ESCO2: variants seen among roughly 807,000 people sequenced by gnomAD.
ESCO2 encodes N-acetyltransferase ESCO2.
A neutral mutation model predicts 61.7 loss-of-function variants in ESCO2; 51 were observed. That is an observed-to-expected ratio of 0.83 (90% CI 0.66 to 1.04). The LOEUF is 1.04. Among genes scored for constraint, ESCO2 ranks in the 50% least tolerant of loss-of-function variants. The pLI is 0.00. For missense variants in ESCO2, 692 were observed against 686.2 expected (o/e 1.01, Z -0.09); for synonymous variants, 230 against 238.2 (o/e 0.97, Z 0.32).
chr8:27,808,167 C>T, downstream of ESCO2: 3 of 1,067,930 alleles, frequency 2.8e-6, no homozygotes, highest in South Asian at 1.7e-5. Flanking sequence ...GTTTAAAATC[C>T]TTTCTAATTT....
chr8:27,791,931 T>C (rs751775194), intron 7 of ESCO2, 32 bp from the exon 8 acceptor site: 3 of 1,601,320 alleles, frequency 1.9e-6, no homozygotes, highest in East Asian at 4.5e-5. Context: ...CTTCACAAAT[T>C]AAACTGTGAC....
At chr8:27,772,186 G>A (rs1804646089), upstream of ESCO2, 4 of 456,660 alleles carry the variant, frequency 8.8e-6, no homozygotes, top group East Asian at 1.5e-4. Context: ...AGAAGACTTG[G>A]GATAAGGTGT....
downstream of ESCO2, among the ~76,000 whole-genome samples, chr8:27,808,032 C>G (rs542002315): frequency 7.9e-5 from 12 of 152,298 alleles, no homozygotes; most frequent in South Asian, 2.5e-3. Context: ...TGGTTTGAGG[C>G]ACCTCGTTTA....
chr8:27,806,641 C>T (rs1468601538), downstream of ESCO2, among the ~76,000 whole-genome samples: 24 of 144,088 alleles, frequency 1.7e-4, no homozygotes, highest in African/African-American at 6.0e-4. Context: ...TTTTTTTAGA[C>T]GGAGTTTTGC....
intron 1 of ESCO2, among the ~76,000 whole-genome samples, chr8:27,775,295 G>T (rs1804763734): frequency 6.6e-6 from 1 of 152,100 alleles, no homozygotes; most frequent in East Asian, 1.9e-4. Context: ...TGTCTTAAAT[G>T]GACTATTAGG....
chr8:27,786,696 TTTGTC>T (rs1171981510), intron 5 of ESCO2, among the ~76,000 whole-genome samples: 3 of 152,146 alleles, frequency 2.0e-5, no homozygotes, highest in Non-Finnish European at 4.4e-5. Flanking sequence ...TTAGCATAGA[TTTGTC>T]AAGTCAGTTT....
At chr8:27,797,634 CCT>C (rs1805330366) in intron 9 of ESCO2, among the ~76,000 whole-genome samples, 1 of 152,082 alleles carries the variant, frequency 6.6e-6, no homozygotes, top group Non-Finnish European at 1.5e-5. Context: ...TTCCCTTCTT[CCT>C]CTCTTGCTGT....
downstream of ESCO2, among the ~76,000 whole-genome samples, chr8:27,805,521 GTTTTGT>G (rs1349728184): frequency 6.6e-6 from 1 of 151,786 alleles, no homozygotes; most frequent in Non-Finnish European, 1.5e-5. Context: ...TTGTTTGTTT[GTTTTGT>G]TTTTAAGTAT....
rs753906544 is a variant in ESCO2 at position 27,784,023 on chromosome 8, C to T, written c.979C>T (p.Pro327Ser). Reference sequence around the variant, plus strand: ...AGTTTCTCCTAAGTCCACTGTCTATCCAATCTTCAGTGCATCTTCAGTCAA... The same window carrying T: ...AGTTTCTCCTAAGTCCACTGTCTATTCAATCTTCAGTGCATCTTCAGTCAA... ...KTISPKSTVYPIFSASSVNSK... is the reference protein window; with the variant it reads ...KTISPKSTVYSIFSASSVNSK... Residue 327 changes from proline to serine, a missense_variant, in exon 5 of 11, where the codon CCA (proline) becomes TCA (serine). By Grantham distance (74) the Pro-to-Ser change is moderately conservative. Coordinates refer to ENST00000305188, the MANE Select transcript of ESCO2 (RefSeq NM_001017420.3). 11 of 1,613,454 alleles carry T rather than the reference C, an allele frequency of 6.8e-6. No homozygotes were observed. Among genetic ancestry groups the T allele is most frequent in the Non-Finnish European group, 8.5e-6 (10 of 1,179,632 alleles).
downstream of ESCO2, among the ~76,000 whole-genome samples, chr8:27,814,448 T>C (rs28538877): frequency 0.16 from 23,899 of 152,044 alleles, 2,384 homozygotes; most frequent in East Asian, 0.37. Flanking sequence ...AAGCTTTATA[T>C]ATTTCATTAT....
intron 3 of ESCO2, 56 bp downstream of exon 3, chr8:27,777,225 T>C (rs1383093981): frequency 1.3e-6 from 2 of 1,484,514 alleles, no homozygotes; most frequent in East Asian, 2.4e-5. Context: ...TCAGTATAAA[T>C]GACATAGTTG....
At chr8:27,811,411 CTG>C (rs936039867), downstream of ESCO2, 88 of 535,456 alleles carry the variant, frequency 1.6e-4, no homozygotes, top group African/African-American at 1.5e-3. Context: ...ATTACAGACT[CTG>C]GAGCCAGACT....
Position 27,805,265 on chromosome 8 carries a change from G to A in ESCO2, c.*1827G>A, listed in dbSNP as rs1482979881. ...CACTGCAGTCCGCAGTCCGGCCTGG[G>A]CGACAGAGCGAGACTCCGTCTCAAA... On this transcript the variant is annotated 3_prime_UTR_variant, in exon 11 of 11. Transcript: ENST00000305188. 1.2e-5 allele frequency: 1 copy of A among 81,652 alleles called. No homozygotes were observed. The highest frequency in any genetic ancestry group is 2.1e-5 in the Non-Finnish European group (1 of 48,438). 5.1% of individuals were successfully genotyped at this position (81,652 alleles called of 1,614,324 possible).
the ESCO2 span, among the ~76,000 whole-genome samples, chr8:27,818,324 T>C: frequency 6.6e-6 from 1 of 152,248 alleles, no homozygotes; most frequent in Non-Finnish European, 1.5e-5. Context: ...AATCTTTTTA[T>C]TTACTAGCAA....
downstream of ESCO2, among the ~76,000 whole-genome samples, chr8:27,813,650 A>G (rs1373040726): frequency 6.6e-6 from 1 of 151,986 alleles, no homozygotes; most frequent in East Asian, 1.9e-4. Flanking sequence ...AGAATACTCA[A>G]GATCTACTCT....
At chr8:27,799,984 TAATAAAATAA>T (rs958270526) in intron 10 of ESCO2, among the ~76,000 whole-genome samples, 22 of 151,304 alleles carry the variant, frequency 1.5e-4, no homozygotes, top group Non-Finnish European at 2.9e-4. Flanking sequence ...AGACCAACAC[TAATAAAATAA>T]AAATGGATTG....
downstream of ESCO2, among the ~76,000 whole-genome samples, chr8:27,809,080 A>G (rs1355646831): frequency 6.6e-6 from 1 of 152,226 alleles, no homozygotes; most frequent in Non-Finnish European, 1.5e-5. Flanking sequence ...GTCTTAAAGC[A>G]GGAACTGCTA....
intron 2 of ESCO2, 93 bp from the exon 3 acceptor site, chr8:27,776,269 A>C: frequency 9.6e-7 from 1 of 1,042,192 alleles, no homozygotes. Flanking sequence ...TATTGTTTTT[A>C]ATATGACCTA....
intron 8 of ESCO2, 31 bp downstream of exon 8, chr8:27,792,083 T>G: frequency 3.1e-6 from 5 of 1,606,544 alleles, no homozygotes; most frequent in Non-Finnish European, 3.4e-6. Flanking sequence ...ATCTCTTGCC[T>G]TTCCCCACCC....
Sources: allele counts gnomAD v4.1 joint callset (sites outside exome capture counted in the v4.1 genomes callset), GRCh38; gene constraint gnomAD v4.1.1; transcripts MANE v1.5; gene names NCBI Gene and HGNC (gene_info 2026-07-23, HGNC 2026-07-21).